The following ZNF704 variants were observed in gnomAD, a reference collection of about 807,000 sequenced individuals.
The protein encoded by ZNF704 is zinc finger protein 704.
In ZNF704, 10 loss-of-function variants were observed where a neutral mutation model predicts 44.7. The observed-to-expected ratio is 0.22, with a 90% CI of 0.14 to 0.38. ZNF704 has a LOEUF of 0.38. Among genes scored for constraint, ZNF704 ranks in the 10% least tolerant of loss-of-function variants. The pLI is 1.00. For missense variants in ZNF704, 390 were observed against 545.5 expected, an observed-to-expected ratio of 0.71 and a Z score of 2.84; for synonymous variants, 211 against 207.6, an observed-to-expected ratio of 1.02 and a Z score of -0.14.
intron 2 of ZNF704, among the ~76,000 whole-genome samples, chr8:80,747,871 C>A (rs1371114196): frequency 6.6e-6 from 1 of 152,192 alleles, no homozygotes; most frequent in African/African-American, 2.4e-5. Context: ...TGCATGCCAC[C>A]ACACCTGGCT....
chr8:80,817,230 A>T (rs968242158), intron 2 of ZNF704, among the ~76,000 whole-genome samples: 2 of 152,290 alleles, frequency 1.3e-5, no homozygotes, highest in African/African-American at 4.8e-5. Flanking sequence ...GGAGGAAGGC[A>T]ACCATGAGTA....
At chr8:80,674,788 C>T (rs1213630281) in intron 4 of ZNF704, among the ~76,000 whole-genome samples, 3 of 152,120 alleles carry the variant, frequency 2.0e-5, no homozygotes, top group African/African-American at 7.2e-5. Flanking sequence ...CATTAATGAA[C>T]AAGTCCTCAC....
chr8:80,666,512 T>C (rs1194409848), intron 5 of ZNF704, among the ~76,000 whole-genome samples: 3 of 144,530 alleles, frequency 2.1e-5, no homozygotes, highest in Admixed American at 6.9e-5. Flanking sequence ...ATGGTATTTC[T>C]AGTTCTAGAT....
intron 2 of ZNF704, among the ~76,000 whole-genome samples, chr8:80,769,850 C>T (rs960376827): frequency 6.6e-6 from 1 of 152,014 alleles, no homozygotes; most frequent in African/African-American, 2.4e-5. Context: ...TCTACTGGTA[C>T]CAATTTACTG....
intron 2 of ZNF704, among the ~76,000 whole-genome samples, chr8:80,726,782 C>T (rs1806488034): frequency 6.6e-6 from 1 of 151,972 alleles, no homozygotes. Context: ...GAAAGTACAT[C>T]ATCTAATGCC....
chr8:80,866,827 A>G (rs1586086346), intron 1 of ZNF704, among the ~76,000 whole-genome samples: 1 of 152,230 alleles, frequency 6.6e-6, no homozygotes, highest in South Asian at 2.1e-4. Flanking sequence ...GGGTATCACT[A>G]TGTTGCCCAG....
intron 2 of ZNF704, among the ~76,000 whole-genome samples, chr8:80,770,405 C>G (rs1807300954): frequency 6.6e-6 from 1 of 152,146 alleles, no homozygotes; most frequent in Admixed American, 6.5e-5. Context: ...GTAGTGACAG[C>G]CCATTGTGGT....
chr8:80,679,527 C>T (rs1324874206), intron 4 of ZNF704, among the ~76,000 whole-genome samples: 1 of 152,234 alleles, frequency 6.6e-6, no homozygotes, highest in Admixed American at 6.5e-5. Context: ...CTAGCTTCTC[C>T]TCGCAGAGCT....
intron 7 of ZNF704, among the ~76,000 whole-genome samples, chr8:80,646,565 C>T (rs1817837905): frequency 6.6e-6 from 1 of 152,012 alleles, no homozygotes; most frequent in African/African-American, 2.4e-5. Flanking sequence ...TACCACTGGT[C>T]TTCATGCTAA....
At chr8:80,752,979 C>T (rs1199891078) in intron 2 of ZNF704, among the ~76,000 whole-genome samples, 6 of 152,182 alleles carry the variant, frequency 3.9e-5, no homozygotes, top group African/African-American at 1.4e-4. Flanking sequence ...TCAAAGCTGG[C>T]TGGTAGACAG....
intron 6 of ZNF704, among the ~76,000 whole-genome samples, chr8:80,664,120 CAG>C (rs1173812823): frequency 4.6e-5 from 7 of 151,666 alleles, no homozygotes; most frequent in African/African-American, 1.7e-4. Context: ...GTTTTTGAAA[CAG>C]AGTCTCGCTC....
At position 80,651,949 on chromosome 8, in the gene ZNF704, G is replaced by C. The variant is rs571721853; in HGVS notation, c.1032+7636C>G. Among the ~76,000 whole-genome samples the C allele has an allele frequency of 2.4e-3, 359 of 152,088 alleles. 2 individuals carry two copies. The highest frequency in any genetic ancestry group is 8.4e-3 in the African/African-American group (347 of 41,494). ...ACTCCTCAGCAAATGTAAAAGAACA[G>C]AAATTATAACAAACTGTCTCTCAGA... On this transcript the variant is annotated intron_variant, in intron 7 of 8. Transcript: ENST00000327835.
At chr8:80,709,301 G>T (rs982009383) in intron 2 of ZNF704, among the ~76,000 whole-genome samples, 1 of 151,712 alleles carries the variant, frequency 6.6e-6, no homozygotes, top group Admixed American at 6.6e-5. Flanking sequence ...AAAATTAGCC[G>T]AGCATGGTGG....
At chr8:80,654,394 T>C (rs887436151) in intron 7 of ZNF704, among the ~76,000 whole-genome samples, 2 of 151,870 alleles carry the variant, frequency 1.3e-5, no homozygotes, top group Non-Finnish European at 2.9e-5. Flanking sequence ...ACCATCAGAG[T>C]GAACAGGCAA....
intron 6 of ZNF704, among the ~76,000 whole-genome samples, chr8:80,660,100 CTG>C (rs1369444395): frequency 8.5e-5 from 13 of 152,186 alleles, no homozygotes; most frequent in Non-Finnish European, 1.6e-4. Context: ...TTAGCATTCT[CTG>C]TGTTAGCTAT....
intron 4 of ZNF704, among the ~76,000 whole-genome samples, chr8:80,676,634 G>A (rs530547228): frequency 6.6e-6 from 1 of 152,310 alleles, no homozygotes; most frequent in Non-Finnish European, 1.5e-5. Context: ...TGAAGTTTGA[G>A]GATACTTGAG....
At chr8:80,861,140 C>T (rs1809054821) in intron 1 of ZNF704, among the ~76,000 whole-genome samples, 1 of 152,138 alleles carries the variant, frequency 6.6e-6, no homozygotes, top group African/African-American at 2.4e-5. Flanking sequence ...CTGCTAGAAA[C>T]CAAAGCTTTA....
intron 1 of ZNF704, among the ~76,000 whole-genome samples, chr8:80,845,292 T>C (rs548947638): frequency 6.6e-6 from 1 of 152,356 alleles, no homozygotes; most frequent in East Asian, 1.9e-4. Context: ...GATAATTTCC[T>C]GCACTTGCAC....
At chr8:80,848,943 G>A (rs1026337668) in intron 1 of ZNF704, among the ~76,000 whole-genome samples, 3 of 152,046 alleles carry the variant, frequency 2.0e-5, no homozygotes, top group Non-Finnish European at 4.4e-5. Context: ...TCAGGCCTCT[G>A]AATTTTCCAC....
Sources: allele counts gnomAD v4.1 joint callset (sites outside exome capture counted in the v4.1 genomes callset), GRCh38; gene constraint gnomAD v4.1.1; transcripts MANE v1.5; gene names NCBI Gene and HGNC (gene_info 2026-07-23, HGNC 2026-07-21).